TPRG1: variants seen among roughly 807,000 people sequenced by gnomAD.
TPRG1 encodes the protein tumor protein p63 regulated 1.
In TPRG1, 29 loss-of-function variants were observed where a neutral mutation model predicts 29.3. The ratio of observed to expected loss-of-function variants is 0.99; its 90% confidence interval spans 0.74 to 1.35. The LOEUF is 1.35. Ranked by LOEUF, TPRG1 falls within the 40% of genes most tolerant of loss-of-function variation. The pLI, the probability that TPRG1 is intolerant of heterozygous loss-of-function variation, is 0.00. For synonymous variants in TPRG1, 130 were observed against 116.8 expected (o/e 1.11, Z -0.73); for missense variants, 327 against 335.0 (o/e 0.98, Z 0.19).
chr3:189,184,715 G>A (rs1020728478), intron 1 of TPRG1, among the ~76,000 whole-genome samples: 3 of 152,164 alleles, frequency 2.0e-5, no homozygotes, highest in African/African-American at 7.2e-5. Context: ...TCAAGGCCAC[G>A]TATCCTGCAG....
At chr3:189,173,379 G>A (rs1227186288) in intron 1 of TPRG1, among the ~76,000 whole-genome samples, 3 of 120,312 alleles carry the variant, frequency 2.5e-5, no homozygotes, top group African/African-American at 9.9e-5. Flanking sequence ...TTGCTCTGTT[G>A]CCCAGGCTGG....
intron 2 of TPRG1, among the ~76,000 whole-genome samples, chr3:189,001,540 A>G (rs1712017777): frequency 6.6e-6 from 1 of 152,146 alleles, no homozygotes; most frequent in African/African-American, 2.4e-5. Flanking sequence ...AAAAGACACT[A>G]ATTCCATTAA....
intron 4 of TPRG1, among the ~76,000 whole-genome samples, chr3:189,280,198 T>C (rs1716875890): frequency 6.6e-6 from 1 of 152,020 alleles, no homozygotes; most frequent in Non-Finnish European, 1.5e-5. Flanking sequence ...GTGAAGAGTG[T>C]AGAGTGAAAG....
chr3:189,226,693 A>C, intron 3 of TPRG1, among the ~76,000 whole-genome samples: 1 of 128,638 alleles, frequency 7.8e-6, no homozygotes, highest in East Asian at 2.2e-4. Context: ...AATCAATGAA[A>C]AAATTAAACA....
chr3:189,312,110 T>TC (rs1326201925), intron 5 of TPRG1, among the ~76,000 whole-genome samples: 17 of 71,552 alleles, frequency 2.4e-4, no homozygotes, highest in African/African-American at 4.4e-4. Context: ...TCTTTGTTTC[T>TC]TTCTTTGTTT....
intron 1 of TPRG1, among the ~76,000 whole-genome samples, chr3:189,188,754 A>T (rs1399084038): frequency 6.6e-6 from 1 of 152,184 alleles, no homozygotes; most frequent in Non-Finnish European, 1.5e-5. Flanking sequence ...ACTTCTTGTA[A>T]GATAAGCCTT....
At chr3:189,124,063 G>GT (rs1310187283) in intron 1 of TPRG1, among the ~76,000 whole-genome samples, 1 of 152,026 alleles carries the variant, frequency 6.6e-6, no homozygotes, top group East Asian at 1.9e-4. Context: ...GCTTTTTCAG[G>GT]TAATATTTTA....
Position 189,324,687 on chromosome 3 carries a change from TA to T in TPRG1, c.*3871del, listed in dbSNP as rs1456886963. On this transcript the variant is annotated 3_prime_UTR_variant, in exon 6 of 6. Transcript: ENST00000345063. Reference sequence around the variant, plus strand: ...AGGGCAAAGGTATTAAATTTAGGCTTAAAAGCTCCTCAGAAATTCTTTACAC... The same window carrying T: ...AGGGCAAAGGTATTAAATTTAGGCTTAAAGCTCCTCAGAAATTCTTTACAC... 1 of 152,128 alleles carries T rather than the reference TA, an allele frequency of 6.6e-6. No homozygotes were observed. Among genetic ancestry groups the T allele is most frequent in the African/African-American group, 2.4e-5 (1 of 41,438 alleles). 9.4% of individuals were successfully genotyped at this position (152,128 alleles called of 1,614,324 possible). A position where few individuals can be genotyped will look rare whatever the true frequency, so the allele number is the denominator to read the frequency against.
At chr3:189,283,582 T>C (rs977761889) in intron 4 of TPRG1, among the ~76,000 whole-genome samples, 1 of 152,136 alleles carries the variant, frequency 6.6e-6, no homozygotes, top group Non-Finnish European at 1.5e-5. Flanking sequence ...TTTATAGAGG[T>C]TCTCTTAAAA....
chr3:189,142,093 G>A (rs1724646203), intron 3 of TPRG1, among the ~76,000 whole-genome samples: 2 of 152,184 alleles, frequency 1.3e-5, no homozygotes, highest in South Asian at 2.1e-4. Context: ...CTGAGCAGGT[G>A]GCTCCACTAA....
chr3:189,092,993 T>A lies in TPRG1; in HGVS notation c.-462-34064T>A, dbSNP rs574613188. Among the ~76,000 whole-genome samples the A allele has an allele frequency of 2.7e-3, 387 of 142,628 alleles. 1 individual carries two copies. Among genetic ancestry groups the A allele is most frequent in the South Asian group, 0.023 (108 of 4,740 alleles). 93.6% of individuals were successfully genotyped at this position (142,628 alleles called of 152,430 possible). A position where few individuals can be genotyped will look rare whatever the true frequency, so the allele number is the denominator to read the frequency against. The stretch of plus-strand genomic sequence containing the variant: ...GAGCATGATTTATCTTTATTCTAAT[T>A]ATTTCTCCTTCTTCTTCTGTGATTA... On this transcript the variant is annotated intron_variant, in intron 4 of 10. Transcript: ENST00000433971.
chr3:189,061,489 A>G (rs1248440986), intron 4 of TPRG1, among the ~76,000 whole-genome samples: 2 of 152,216 alleles, frequency 1.3e-5, no homozygotes, highest in East Asian at 1.9e-4. Context: ...GAAGCTATTA[A>G]CAGAGTAAAC....
chr3:189,123,021 C>G (rs1049032210), intron 1 of TPRG1, among the ~76,000 whole-genome samples: 1 of 152,208 alleles, frequency 6.6e-6, no homozygotes, highest in Admixed American at 6.5e-5. Context: ...TGAAAACGCT[C>G]TAATAAATAA....
chr3:189,225,090 C>G (rs905186252), intron 3 of TPRG1, among the ~76,000 whole-genome samples: 1 of 152,150 alleles, frequency 6.6e-6, no homozygotes, highest in Non-Finnish European at 1.5e-5. Context: ...CGCCACCACG[C>G]CTGGCTAATT....
In TPRG1 at chr3:189,314,229, A is replaced by G. The variant is rs146199343; in HGVS notation, c.633+3690A>G. On this transcript the variant is annotated intron_variant, in intron 5 of 5. Coordinates refer to ENST00000345063, the MANE Select transcript of TPRG1 (RefSeq NM_198485.4). Reference sequence around the variant, plus strand: ...GTTGCATTTCTGTAGAACTTGGGGTAGGGTTGGTTGTCAGGCAGTTAGAAA... The same window carrying G: ...GTTGCATTTCTGTAGAACTTGGGGTGGGGTTGGTTGTCAGGCAGTTAGAAA... Among the ~76,000 whole-genome samples the G allele has an allele frequency of 5.1e-3, 780 of 152,232 alleles. 9 individuals are homozygous for G. The highest frequency in any genetic ancestry group is 0.018 in the African/African-American group (730 of 41,542).
intron 4 of TPRG1, among the ~76,000 whole-genome samples, chr3:189,049,183 A>G (rs1311279565): frequency 6.6e-6 from 1 of 152,222 alleles, no homozygotes; most frequent in Non-Finnish European, 1.5e-5. Context: ...CAGACTTCAC[A>G]GGCACAGGCA....
At chr3:189,113,004 A>G (rs1166212465) in intron 1 of TPRG1, among the ~76,000 whole-genome samples, 1 of 152,190 alleles carries the variant, frequency 6.6e-6, no homozygotes, top group Non-Finnish European at 1.5e-5. Context: ...CTTCCTATCC[A>G]TGAGCATGGA....
At chr3:189,314,524 G>C (rs34055812) in intron 5 of TPRG1, among the ~76,000 whole-genome samples, 35,922 of 151,952 alleles carry the variant, frequency 0.24, 5,178 homozygotes, top group Non-Finnish European at 0.32. Flanking sequence ...TTCCACATCT[G>C]GCAGATATGG....
chr3:189,244,198 G>A (rs1266924787), intron 4 of TPRG1, among the ~76,000 whole-genome samples: 2 of 152,176 alleles, frequency 1.3e-5, no homozygotes, highest in African/African-American at 4.8e-5. Context: ...GGGAGGCCAA[G>A]GTGGATGGAT....
Sources: allele counts gnomAD v4.1 joint callset (sites outside exome capture counted in the v4.1 genomes callset), GRCh38; gene constraint gnomAD v4.1.1; transcripts MANE v1.5; gene names NCBI Gene and HGNC (gene_info 2026-07-23, HGNC 2026-07-21).